Variants in CC2D2B observed in about 807,000 individuals in gnomAD.
CC2D2B encodes protein CC2D2B.
CC2D2B carries 128 observed loss-of-function variants against 161.2 expected under a neutral mutation model. The observed-to-expected ratio is 0.79, with a 90% confidence interval of 0.69 to 0.92. The LOEUF (loss-of-function observed/expected upper bound fraction) is 0.92. Among genes scored for constraint, CC2D2B ranks in the 40% least tolerant of loss-of-function variants. The pLI is 0.00. For missense variants in CC2D2B, 1,173 were observed against 1,375.1 expected (o/e 0.85, Z 2.32); for synonymous variants, 391 against 449.8 (o/e 0.87, Z 1.65).
chr10:95,914,912 C>A (rs930766800), intron 2 of CC2D2B, among the ~76,000 whole-genome samples: 1 of 152,016 alleles, frequency 6.6e-6, no homozygotes, highest in African/African-American at 2.4e-5. Flanking sequence ...TTTTAGGTTC[C>A]CTATAAATTT....
chr10:95,950,980 G>A (rs1017780247), intron 10 of CC2D2B, among the ~76,000 whole-genome samples: 1 of 151,942 alleles, frequency 6.6e-6, no homozygotes, highest in Non-Finnish European at 1.5e-5. Flanking sequence ...CCACATGCAC[G>A]GCTAATTTTT....
At chr10:96,030,011 C>G (rs919630288) in intron 34 of CC2D2B, among the ~76,000 whole-genome samples, 1 of 152,028 alleles carries the variant, frequency 6.6e-6, no homozygotes, top group Admixed American at 6.6e-5. Context: ...TGGGGTTTCA[C>G]TATATTGCCC....
At chr10:96,004,340 G>C (rs2078656917) in intron 25 of CC2D2B, 92 bp downstream of exon 25, 1 of 684,452 alleles carries the variant, frequency 1.5e-6, no homozygotes, top group African/African-American at 1.9e-5. Flanking sequence ...TATGCTTTTA[G>C]ATGCAATGTC....
chr10:95,995,739 C>T (rs1362223824), intron 23 of CC2D2B, among the ~76,000 whole-genome samples: 4 of 152,284 alleles, frequency 2.6e-5, no homozygotes, highest in African/African-American at 7.2e-5. Context: ...AAAGGAACTA[C>T]GACTTAAAGT....
At chr10:95,916,932 GAT>G (rs943429107) in intron 2 of CC2D2B, among the ~76,000 whole-genome samples, 18 of 135,388 alleles carry the variant, frequency 1.3e-4, no homozygotes, top group African/African-American at 5.4e-4. Context: ...GATAAGGTCT[GAT>G]ATTTTTTGGT....
intron 10 of CC2D2B, among the ~76,000 whole-genome samples, chr10:95,953,375 A>G (rs1461278859): frequency 1.3e-5 from 2 of 152,036 alleles, no homozygotes; most frequent in African/African-American, 2.4e-5. Flanking sequence ...GTCATTTTTA[A>G]AAAAATTTTA....
chr10:95,960,052 A>G (rs904191344), intron 11 of CC2D2B, among the ~76,000 whole-genome samples: 3 of 152,182 alleles, frequency 2.0e-5, no homozygotes, highest in Admixed American at 2.0e-4. Flanking sequence ...GAGGTACTTC[A>G]TTCAAATAGG....
At chr10:95,994,848 A>G (rs185377736) in intron 22 of CC2D2B, among the ~76,000 whole-genome samples, 2 of 152,352 alleles carry the variant, frequency 1.3e-5, no homozygotes, top group African/African-American at 2.4e-5. Context: ...GATCATCTCT[A>G]TATCTAATCT....
intron 24 of CC2D2B, among the ~76,000 whole-genome samples, chr10:95,999,123 C>T (rs1258902705): frequency 6.6e-6 from 1 of 152,120 alleles, no homozygotes; most frequent in East Asian, 1.9e-4. Context: ...TTCAGAGAAA[C>T]ATCTAGAATA....
chr10:95,962,910 A>G (rs1232949006), intron 12 of CC2D2B, among the ~76,000 whole-genome samples: 1 of 152,064 alleles, frequency 6.6e-6, no homozygotes, highest in East Asian at 1.9e-4. Flanking sequence ...CCCATGCATC[A>G]TGAATCCCTG....
intron 2 of CC2D2B, among the ~76,000 whole-genome samples, chr10:95,912,465 T>A (rs540042139): frequency 1.8e-4 from 27 of 152,250 alleles, no homozygotes; most frequent in South Asian, 1.4e-3. Flanking sequence ...CATGGGAATA[T>A]GTGCACCCTC....
chr10:96,011,319 G>A (rs1486966942), intron 26 of CC2D2B, among the ~76,000 whole-genome samples: 3 of 152,254 alleles, frequency 2.0e-5, no homozygotes, highest in Admixed American at 2.0e-4. Context: ...GCAGGATACA[G>A]TGGTAGGTAA....
In CC2D2B at chr10:96,012,431, CA is replaced by C; in HGVS notation, c.3228+65del. 9 of 832,782 alleles carry C rather than the reference CA, an allele frequency of 1.1e-5. No individual in the cohort carries two copies. In the South Asian group the frequency reaches 1.5e-4, roughly 14 times the overall value. 51.6% of individuals were successfully genotyped at this position (832,782 alleles called of 1,614,324 possible). A position where few individuals can be genotyped will look rare whatever the true frequency, so the allele number is the denominator to read the frequency against. The stretch of plus-strand genomic sequence containing the variant: ...AAGAGGTATGAACTATTTTAAAAAC[CA>C]GTAATAATTTCAAAGATGGCAAAAA... On this transcript the variant is annotated intron_variant, in intron 27 of 34. Coordinates refer to ENST00000646931, the MANE Select transcript of CC2D2B (RefSeq NM_001349008.3).
intron 9 of CC2D2B, among the ~76,000 whole-genome samples, chr10:95,943,432 G>A (rs994414910): frequency 3.3e-5 from 5 of 152,030 alleles, no homozygotes; most frequent in African/African-American, 1.2e-4. Flanking sequence ...GTGGATTTTT[G>A]GTTTTGCTGT....
At chr10:95,908,287 G>T (rs546245511) in intron 1 of CC2D2B, among the ~76,000 whole-genome samples, 1 of 152,334 alleles carries the variant, frequency 6.6e-6, no homozygotes, top group Admixed American at 6.5e-5. Flanking sequence ...TGATTTGCAA[G>T]AAATACGGGT....
intron 17 of CC2D2B, among the ~76,000 whole-genome samples, chr10:95,976,358 C>A (rs774441066): frequency 6.6e-5 from 10 of 152,174 alleles, no homozygotes; most frequent in Non-Finnish European, 1.5e-4. Flanking sequence ...CGTTGTCTTA[C>A]AATTCCTATT....
At chr10:95,942,961 G>T (rs956351166) in intron 9 of CC2D2B, among the ~76,000 whole-genome samples, 1 of 151,912 alleles carries the variant, frequency 6.6e-6, no homozygotes, top group African/African-American at 2.4e-5. Flanking sequence ...AAAATATATT[G>T]TGGCTGGATT....
intron 25 of CC2D2B, among the ~76,000 whole-genome samples, chr10:96,004,569 C>T (rs2078666120): frequency 6.6e-6 from 1 of 152,162 alleles, no homozygotes; most frequent in East Asian, 1.9e-4. Context: ...AAATAGGTTA[C>T]ATATATCTTA....
rs964234283 is a variant in CC2D2B at position 96,012,298 on chromosome 10, A to C, written c.3159A>C (p.Thr1053=). Residue 1053 remains threonine, a synonymous_variant, in exon 27 of 35, where the codon ACA becomes ACC. Transcript: ENST00000646931. ...ATGAGCAGAATTTAAAAGAATGTAC[A>C]TTCTTAAATATTTTTGCTACCATTG... is the stretch of plus-strand genomic sequence containing the variant. The part of the protein sequence containing the change: ...DSNEQNLKEC[T]FLNIFATIEP... 1 of 712,990 alleles carries C rather than the reference A, an allele frequency of 1.4e-6. No homozygotes were observed. Among genetic ancestry groups the C allele is most frequent in the African/African-American group, 1.8e-5 (1 of 57,140 alleles). 44.2% of individuals were successfully genotyped at this position (712,990 alleles called of 1,614,324 possible). A position where few individuals can be genotyped will look rare whatever the true frequency, so the allele number is the denominator to read the frequency against.
Sources: allele counts gnomAD v4.1 joint callset (sites outside exome capture counted in the v4.1 genomes callset), GRCh38; gene constraint gnomAD v4.1.1; transcripts MANE v1.5; gene names NCBI Gene and HGNC (gene_info 2026-07-23, HGNC 2026-07-21).